The following TMEM132C variants were observed in gnomAD, a reference collection of about 807,000 sequenced individuals.
The protein encoded by TMEM132C is protein phosphatase 1, regulatory subunit 152.
Under a neutral mutation model 61.4 loss-of-function variants are expected in TMEM132C, and 29 were observed. That is an observed-to-expected ratio of 0.47 (90% CI 0.35 to 0.64). The LOEUF (loss-of-function observed/expected upper bound fraction) is 0.64. TMEM132C is among the 30% of genes least tolerant of loss of function. The pLI is 0.00. For synonymous variants in TMEM132C, 656 were observed against 633.1 expected (o/e 1.04, Z -0.54); for missense variants, 1,408 against 1,476.9 (o/e 0.95, Z 0.76).
chr12:128,415,177 A>T lies in TMEM132C; in HGVS notation c.531A>T (p.Glu177Asp), dbSNP rs1216687948. ...GCCTGAGGGTCTTTGCTTTCCGAGA[A>T]ACCAGAGAGGTGCGGGGCAGCTGCC... ...LPCLRVFAFR[E>D]TREVRGSCRL... The change falls in exon 2 of 9, where the codon GAA becomes GAT. Residue 177 changes from glutamate to aspartate, a missense_variant. Transcript: ENST00000435159. The surrounding 1 kb of genome is among the most constrained non-coding windows in gnomAD (Gnocchi z 5.8). 1 of 1,610,948 alleles carries T rather than the reference A, an allele frequency of 6.2e-7. No homozygotes were observed. The highest frequency in any genetic ancestry group is 8.5e-7 in the Non-Finnish European group (1 of 1,178,600).
chr12:128,371,295 C>T (rs1874021231), intron 1 of TMEM132C, among the ~76,000 whole-genome samples: 1 of 152,142 alleles, frequency 6.6e-6, no homozygotes, highest in Non-Finnish European at 1.5e-5. Flanking sequence ...AATTCTCTGT[C>T]AATGTAAGTC....
intron 1 of TMEM132C, among the ~76,000 whole-genome samples, chr12:128,339,286 C>A (rs571487819): frequency 6.6e-6 from 1 of 151,378 alleles, no homozygotes; most frequent in East Asian, 2.0e-4. Context: ...TTTTTAAGTT[C>A]ATCTGGGAGG....
At chr12:128,365,016 T>C (rs2135975446) in intron 1 of TMEM132C, among the ~76,000 whole-genome samples, 1 of 152,294 alleles carries the variant, frequency 6.6e-6, no homozygotes, top group South Asian at 2.1e-4. Flanking sequence ...GTTGCGGGTT[T>C]CAGATCAACC....
intron 1 of TMEM132C, among the ~76,000 whole-genome samples, chr12:128,302,747 C>CT (rs1243211763): frequency 6.6e-6 from 1 of 152,196 alleles, no homozygotes; most frequent in African/African-American, 2.4e-5. Context: ...AATAGCAAAA[C>CT]TTCAAAGCCT....
chr12:128,398,832 A>G (rs919426322), intron 1 of TMEM132C, among the ~76,000 whole-genome samples: 4 of 140,248 alleles, frequency 2.9e-5, no homozygotes, highest in African/African-American at 1.3e-4. Flanking sequence ...TCCTGTCTTG[A>G]TAATCCAGGT....
At chr12:128,318,150 A>G (rs1872213723) in intron 1 of TMEM132C, among the ~76,000 whole-genome samples, 1 of 152,216 alleles carries the variant, frequency 6.6e-6, no homozygotes, top group African/African-American at 2.4e-5. Context: ...CTGAGGAATG[A>G]ATCAAAAACA....
At position 128,267,423 on chromosome 12, in the gene TMEM132C, C is replaced by A; in HGVS notation, c.21C>A (p.Ala7=). ...GCAGGATGCGCTCCGAGGGTGCGGC[C>A]CCCGGGCCGGCGGCGCCGCTGTGCG... The part of the protein sequence containing the change: MRSEGA[A]PGPAAPLCGA... Residue 7 remains alanine (A), a synonymous_variant, in exon 1 of 9, where the codon GCC becomes GCA. Transcript: ENST00000435159. The A allele has an allele frequency of 8.1e-7, 1 of 1,236,430 alleles. No homozygotes were observed. The highest frequency in any genetic ancestry group is 1.0e-6 in the Non-Finnish European group (1 of 990,972). The allele number at this position is 1,236,430 out of a possible 1,614,324, so 76.6% of individuals were successfully genotyped here.
intron 1 of TMEM132C, among the ~76,000 whole-genome samples, chr12:128,365,694 A>G (rs1873844204): frequency 1.3e-5 from 2 of 152,290 alleles, no homozygotes; most frequent in South Asian, 4.1e-4. Context: ...TCTCAAACCA[A>G]ATAAAATGCA....
intron 4 of TMEM132C, among the ~76,000 whole-genome samples, chr12:128,628,533 C>T (rs371795601): frequency 2.0e-5 from 3 of 152,334 alleles, no homozygotes; most frequent in South Asian, 4.1e-4. Flanking sequence ...GATTTTCTTG[C>T]GTAACATGAC....
At chr12:128,628,422 T>C (rs567046323) in intron 4 of TMEM132C, among the ~76,000 whole-genome samples, 1 of 152,354 alleles carries the variant, frequency 6.6e-6, no homozygotes, top group South Asian at 2.1e-4. Context: ...CCAAACTGTG[T>C]TCTTCCTCCT....
chr12:128,665,172 GGC>G (rs1491201471), intron 4 of TMEM132C, among the ~76,000 whole-genome samples: 2 of 114,536 alleles, frequency 1.7e-5, no homozygotes, highest in African/African-American at 3.5e-5. Context: ...TACACAAACA[GGC>G]ACACACACAC....
At chr12:128,374,899 C>A (rs573797911) in intron 1 of TMEM132C, among the ~76,000 whole-genome samples, 2 of 118,572 alleles carry the variant, frequency 1.7e-5, no homozygotes, top group Non-Finnish European at 3.4e-5. Context: ...CCAGCCTGGG[C>A]GACAAACTCC....
chr12:128,386,426 C>T (rs904770865), intron 1 of TMEM132C, among the ~76,000 whole-genome samples: 7 of 152,244 alleles, frequency 4.6e-5, no homozygotes, highest in African/African-American at 1.7e-4. Context: ...GCAGAAACTT[C>T]CCTCCACATT....
intron 3 of TMEM132C, among the ~76,000 whole-genome samples, chr12:128,574,265 TTAGTTAC>T (rs1398294146): frequency 1.3e-5 from 2 of 152,248 alleles, no homozygotes; most frequent in Non-Finnish European, 2.9e-5. Flanking sequence ...TCAATACTTA[TTAGTTAC>T]GGCTCATTCC....
At chr12:128,283,446 G>A (rs1463819099) in intron 1 of TMEM132C, among the ~76,000 whole-genome samples, 1 of 152,096 alleles carries the variant, frequency 6.6e-6, no homozygotes, top group East Asian at 1.9e-4. Flanking sequence ...GACAGAGGCA[G>A]GAAATCATTG....
intron 2 of TMEM132C, among the ~76,000 whole-genome samples, chr12:128,435,713 CA>C (rs1869565675): frequency 6.6e-6 from 1 of 152,118 alleles, no homozygotes; most frequent in South Asian, 2.1e-4. Context: ...TGAAAATGGC[CA>C]TACTGCTCAA....
intron 2 of TMEM132C, among the ~76,000 whole-genome samples, chr12:128,453,723 G>T (rs1463632913): frequency 6.6e-6 from 1 of 152,192 alleles, no homozygotes; most frequent in East Asian, 1.9e-4. Flanking sequence ...GAAAAAAGTG[G>T]ATGACTCTGG....
chr12:128,620,891 G>T (rs1018272727), intron 4 of TMEM132C, among the ~76,000 whole-genome samples: 3 of 152,104 alleles, frequency 2.0e-5, no homozygotes, highest in Admixed American at 6.5e-5. Context: ...AATCAGTAGG[G>T]TTGTTTAAAG....
intron 3 of TMEM132C, among the ~76,000 whole-genome samples, chr12:128,601,653 G>A (rs920656076): frequency 1.3e-5 from 2 of 149,106 alleles, no homozygotes; most frequent in Non-Finnish European, 3.0e-5. Context: ...GGGCACTGAG[G>A]TGGAGGGCGC....
Sources: gnomAD v4.1 joint callset for allele counts (sites outside exome capture counted in the v4.1 genomes callset) on GRCh38, gnomAD v4.1.1 for gene constraint, Gnocchi (gnomAD v3.1) non-coding constraint, MANE v1.5 for transcripts, NCBI Gene and HGNC (gene_info 2026-07-23, HGNC 2026-07-21) for gene names.